ANKS1B: variants seen among roughly 807,000 people sequenced by gnomAD.
ANKS1B encodes ankyrin repeat and sterile alpha motif domain containing 1B.
In ANKS1B, 36 loss-of-function variants were observed where a neutral mutation model predicts 148.3. The ratio of observed to expected loss-of-function variants is 0.24; its 90% CI spans 0.19 to 0.32. The LOEUF is 0.32. Among genes scored for constraint, ANKS1B ranks in the 10% least tolerant of loss-of-function variants. The pLI is 1.00. For synonymous variants in ANKS1B, 542 were observed against 560.8 expected, an observed-to-expected ratio of 0.97 and a Z score of 0.47; for missense variants, 1,157 against 1,542.6, an observed-to-expected ratio of 0.75 and a Z score of 4.19.
At chr12:99,241,701 C>G (rs1281257334) in intron 14 of ANKS1B, among the ~76,000 whole-genome samples, 15 of 152,248 alleles carry the variant, frequency 9.9e-5, no homozygotes, top group Non-Finnish European at 1.9e-4. Flanking sequence ...TTATCCACCA[C>G]GATCAGATTG....
chr12:99,424,524 T>G (rs145543782), intron 11 of ANKS1B, among the ~76,000 whole-genome samples: 153 of 151,942 alleles, frequency 1.0e-3, no homozygotes, highest in African/African-American at 3.6e-3. Flanking sequence ...ATGAAGTAAA[T>G]AGACAGGTTT....
chr12:99,214,588 G>A (rs1464085706), intron 14 of ANKS1B, among the ~76,000 whole-genome samples: 2 of 152,186 alleles, frequency 1.3e-5, no homozygotes, highest in African/African-American at 4.8e-5. Flanking sequence ...GGCCTCCTGT[G>A]GCGTGTGGAA....
intron 12 of ANKS1B, among the ~76,000 whole-genome samples, chr12:99,325,868 C>G (rs1441054165): frequency 6.6e-6 from 1 of 151,990 alleles, no homozygotes; most frequent in African/African-American, 2.4e-5. Context: ...CTATAAAGAA[C>G]TGCCAAAGAC....
At chr12:99,791,306 T>C (rs1460019987) in intron 4 of ANKS1B, among the ~76,000 whole-genome samples, 2 of 151,974 alleles carry the variant, frequency 1.3e-5, no homozygotes, top group Admixed American at 6.6e-5. Context: ...AAGGGAAAGA[T>C]AGACCTAAAT....
chr12:99,675,498 A>G (rs1001943471), intron 8 of ANKS1B, among the ~76,000 whole-genome samples: 58 of 151,990 alleles, frequency 3.8e-4, no homozygotes, highest in African/African-American at 1.3e-3. Flanking sequence ...TCCAGTTTTA[A>G]ATGTTTTTTA....
At chr12:99,900,753 T>C (rs1373826489) in intron 1 of ANKS1B, among the ~76,000 whole-genome samples, 1 of 152,172 alleles carries the variant, frequency 6.6e-6, no homozygotes, top group African/African-American at 2.4e-5. Context: ...GATTAGAACC[T>C]TGGTCTTCTG....
At chr12:99,685,747 C>T (rs201064967) in intron 8 of ANKS1B, among the ~76,000 whole-genome samples, 3 of 150,374 alleles carry the variant, frequency 2.0e-5, no homozygotes, top group Non-Finnish European at 3.0e-5. Flanking sequence ...TGTGTGTATA[C>T]ATATATATAT....
At chr12:99,752,312 T>C (rs996584567) in intron 8 of ANKS1B, among the ~76,000 whole-genome samples, 7 of 152,042 alleles carry the variant, frequency 4.6e-5, no homozygotes, top group African/African-American at 1.7e-4. Context: ...ATACTATCAT[T>C]TACTGGACTG....
At chr12:99,144,277 A>T (rs962895520) in intron 15 of ANKS1B, among the ~76,000 whole-genome samples, 1 of 152,076 alleles carries the variant, frequency 6.6e-6, no homozygotes, top group African/African-American at 2.4e-5. Context: ...AAGAGGCTGC[A>T]AAATAAAATG....
chr12:99,612,032 C>T (rs1403349668), intron 9 of ANKS1B, among the ~76,000 whole-genome samples: 1 of 151,930 alleles, frequency 6.6e-6, no homozygotes, highest in Admixed American at 6.6e-5. Flanking sequence ...ACAATATTCA[C>T]TTAAATATGA....
chr12:99,610,580 G>A (rs565701591), intron 9 of ANKS1B, among the ~76,000 whole-genome samples: 34 of 152,154 alleles, frequency 2.2e-4, no homozygotes, highest in African/African-American at 7.5e-4. Flanking sequence ...TGCCTTAGGG[G>A]AAAATGGGAA....
intron 17 of ANKS1B, among the ~76,000 whole-genome samples, chr12:98,900,417 A>G (rs531811547): frequency 6.6e-6 from 1 of 152,342 alleles, no homozygotes; most frequent in South Asian, 2.1e-4. Context: ...ACTAAAAAGC[A>G]GGCATAGCAC....
chr12:99,858,797 G>A (rs150750758), intron 1 of ANKS1B, among the ~76,000 whole-genome samples: 313 of 152,190 alleles, frequency 2.1e-3, no homozygotes, highest in African/African-American at 7.4e-3. Flanking sequence ...GACACTATAT[G>A]TTCTCATTCA....
intron 9 of ANKS1B, among the ~76,000 whole-genome samples, chr12:99,640,499 T>C (rs979955325): frequency 6.6e-6 from 1 of 152,180 alleles, no homozygotes; most frequent in Admixed American, 6.5e-5. Flanking sequence ...TATGAAAGGA[T>C]GAGTTCAACC....
intron 8 of ANKS1B, among the ~76,000 whole-genome samples, chr12:99,758,329 G>A (rs1332616554): frequency 6.6e-6 from 1 of 151,822 alleles, no homozygotes; most frequent in African/African-American, 2.4e-5. Context: ...AAGACAAAAT[G>A]GGAAGGTTAG....
At chr12:99,481,293 C>T (rs946266153) in intron 10 of ANKS1B, among the ~76,000 whole-genome samples, 2 of 151,924 alleles carry the variant, frequency 1.3e-5, no homozygotes, top group African/African-American at 4.8e-5. Context: ...GTTTCACACT[C>T]CTGTGTTACC....
downstream of ANKS1B, among the ~76,000 whole-genome samples, chr12:98,739,880 G>A (rs750295900): frequency 1.2e-4 from 19 of 152,106 alleles, no homozygotes; most frequent in Non-Finnish European, 2.4e-4. Flanking sequence ...CGACCCTGCT[G>A]CTTCTGCTCC....
intron 9 of ANKS1B, among the ~76,000 whole-genome samples, chr12:99,582,074 T>A (rs1345160423): frequency 6.6e-6 from 1 of 151,942 alleles, no homozygotes; most frequent in Admixed American, 6.6e-5. Flanking sequence ...TATAAAAGAA[T>A]ATATATGAAT....
At chr12:98,891,886 TG>T (rs1196686680) in intron 17 of ANKS1B, among the ~76,000 whole-genome samples, 1 of 152,222 alleles carries the variant, frequency 6.6e-6, no homozygotes, top group East Asian at 1.9e-4. Flanking sequence ...TGTTAATTAC[TG>T]GTGGTCCATG....
Sources: gnomAD v4.1 joint callset for allele counts (sites outside exome capture counted in the v4.1 genomes callset) on GRCh38, gnomAD v4.1.1 for gene constraint, MANE v1.5 for transcripts, NCBI Gene and HGNC (gene_info 2026-07-23, HGNC 2026-07-21) for gene names.